Variants in CIMIP6 observed in about 807,000 individuals in gnomAD.
The protein encoded by CIMIP6 is uncharacterized protein C2orf73.
chr2:54,368,120 A>G, the CIMIP6 span, among the ~76,000 whole-genome samples: 1 of 152,182 alleles, frequency 6.6e-6, no homozygotes, highest in East Asian at 1.9e-4. Context: ...TAGCACTAAC[A>G]GAAATTGAAT....
At chr2:54,343,643 A>G in the CIMIP6 span, 1 of 1,050,742 alleles carries the variant, frequency 9.5e-7, no homozygotes, top group Non-Finnish European at 1.3e-6. Flanking sequence ...GAATTACTGA[A>G]TATCCATAGA....
At chr2:54,354,215 G>C in the CIMIP6 span, among the ~76,000 whole-genome samples, 2 of 152,070 alleles carry the variant, frequency 1.3e-5, no homozygotes, top group African/African-American at 4.8e-5. Flanking sequence ...TTAATTTTCA[G>C]TTCCTGGATC....
the CIMIP6 span, among the ~76,000 whole-genome samples, chr2:54,377,138 G>A: frequency 3.3e-5 from 5 of 152,222 alleles, no homozygotes; most frequent in African/African-American, 4.8e-5. Context: ...GGGAATTTAC[G>A]GCTCGTGTCT....
the CIMIP6 span, chr2:54,331,070 G>C: frequency 2.0e-6 from 3 of 1,529,822 alleles, no homozygotes; most frequent in South Asian, 1.1e-5. Flanking sequence ...GGGGAGGCCG[G>C]GATCCAGCAT....
the CIMIP6 span, among the ~76,000 whole-genome samples, chr2:54,350,022 T>A: frequency 6.6e-6 from 1 of 151,972 alleles, no homozygotes; most frequent in South Asian, 2.1e-4. Flanking sequence ...GCTAATTTTT[T>A]AAAAATATTT....
At chr2:54,356,299 C>G in the CIMIP6 span, among the ~76,000 whole-genome samples, 1 of 152,202 alleles carries the variant, frequency 6.6e-6, no homozygotes, top group African/African-American at 2.4e-5. Flanking sequence ...GGAGGGACTT[C>G]TGCGCGCTTC....
the CIMIP6 span, among the ~76,000 whole-genome samples, chr2:54,340,881 C>T: frequency 6.6e-6 from 1 of 152,094 alleles, no homozygotes; most frequent in Non-Finnish European, 1.5e-5. Flanking sequence ...GGGAGGATCA[C>T]CTGAGTCCAG....
the CIMIP6 span, among the ~76,000 whole-genome samples, chr2:54,363,865 C>T: frequency 1.3e-5 from 2 of 152,198 alleles, no homozygotes; most frequent in African/African-American, 4.8e-5. Context: ...CAACAGACCT[C>T]ATGGTTGACT....
At chr2:54,350,310 A>G in the CIMIP6 span, among the ~76,000 whole-genome samples, 1 of 152,264 alleles carries the variant, frequency 6.6e-6, no homozygotes, top group Non-Finnish European at 1.5e-5. Flanking sequence ...TTAAAACAAC[A>G]ATCATCTTAT....
chr2:54,336,370 C>T, the CIMIP6 span, among the ~76,000 whole-genome samples: 5 of 152,154 alleles, frequency 3.3e-5, no homozygotes, highest in Admixed American at 3.3e-4. Flanking sequence ...TTGAACCAGT[C>T]TTTCAGAATA....
chr2:54,381,952 T>A, the CIMIP6 span: 4 of 1,548,738 alleles, frequency 2.6e-6, no homozygotes, highest in Non-Finnish European at 3.5e-6. Flanking sequence ...GGTGGTTTCA[T>A]GCCATCTTAT....
At chr2:54,363,650 A>T in the CIMIP6 span, among the ~76,000 whole-genome samples, 99 of 151,524 alleles carry the variant, frequency 6.5e-4, 2 homozygotes, top group South Asian at 6.0e-3. Flanking sequence ...TTATTTAAAA[A>T]TTTTTTTTTC....
chr2:54,376,810 G>A, the CIMIP6 span, among the ~76,000 whole-genome samples: 1 of 152,228 alleles, frequency 6.6e-6, no homozygotes, highest in African/African-American at 2.4e-5. Flanking sequence ...CCAGGAAGCT[G>A]AAGTATTTGG....
At chr2:54,331,264 G>A in the CIMIP6 span, among the ~76,000 whole-genome samples, 1 of 152,150 alleles carries the variant, frequency 6.6e-6, no homozygotes. Flanking sequence ...ATTATTAGCA[G>A]ATTCTGTAGT....
At chr2:54,364,962 G>A in the CIMIP6 span, among the ~76,000 whole-genome samples, 1 of 152,202 alleles carries the variant, frequency 6.6e-6, no homozygotes, top group Non-Finnish European at 1.5e-5. Flanking sequence ...AGCAAGAGGT[G>A]AGACTAAATA....
At chr2:54,370,127 T>C in the CIMIP6 span, among the ~76,000 whole-genome samples, 1 of 151,978 alleles carries the variant, frequency 6.6e-6, no homozygotes. Flanking sequence ...TGGTGGCTTG[T>C]GCTTGTAATC....
the CIMIP6 span, among the ~76,000 whole-genome samples, chr2:54,332,253 T>C: frequency 6.6e-6 from 1 of 152,188 alleles, no homozygotes; most frequent in African/African-American, 2.4e-5. Context: ...ACCTACCTCC[T>C]ACATACATAC....
chr2:54,360,395 G>A, the CIMIP6 span: 1 of 1,607,836 alleles, frequency 6.2e-7, no homozygotes, highest in Non-Finnish European at 8.5e-7. Context: ...GGAGCTGTTA[G>A]AGCCTAAAAC....
chr2:54,372,772 G>A, the CIMIP6 span, among the ~76,000 whole-genome samples: 489 of 152,296 alleles, frequency 3.2e-3, 1 homozygote, highest in African/African-American at 0.011. Context: ...CCCAGATTAA[G>A]GAGGAGGGAC....
Sources: allele counts gnomAD v4.1 joint callset (sites outside exome capture counted in the v4.1 genomes callset), GRCh38; gene constraint gnomAD v4.1.1; transcripts MANE v1.5; gene names NCBI Gene and HGNC (gene_info 2026-07-23, HGNC 2026-07-21).